Variants in RNF121 observed in about 807,000 individuals in gnomAD.
RNF121 encodes ring finger protein 121.
A neutral mutation model predicts 46.5 loss-of-function variants in RNF121; 21 were observed. The observed-to-expected ratio is 0.45, with a 90% confidence interval of 0.32 to 0.65. The LOEUF is 0.65. RNF121 is among the 30% of genes least tolerant of loss of function. RNF121 has a pLI of 0.04. For synonymous variants in RNF121, 139 were observed against 144.7 expected (o/e 0.96, Z 0.28); for missense variants, 346 against 416.0 (o/e 0.83, Z 1.46).
chr11:71,993,819 T>G (rs982047790), intron 6 of RNF121, among the ~76,000 whole-genome samples: 1 of 151,990 alleles, frequency 6.6e-6, no homozygotes, highest in African/African-American at 2.4e-5. Flanking sequence ...TCTGTATTCA[T>G]GAAGCTTCTT....
chr11:71,978,198 GCC>G (rs1424791232), intron 3 of RNF121: 2 of 451,472 alleles, frequency 4.4e-6, no homozygotes, highest in Admixed American at 4.8e-5. Flanking sequence ...ACCATGCCCG[GCC>G]TACAGTAGAA....
At chr11:71,942,203 G>C (rs1258522193) in intron 1 of RNF121, among the ~76,000 whole-genome samples, 1 of 151,958 alleles carries the variant, frequency 6.6e-6, no homozygotes. Flanking sequence ...AAAGTGCTGG[G>C]ATTACAGGCA....
At chr11:71,940,247 T>C (rs1953534343) in intron 1 of RNF121, among the ~76,000 whole-genome samples, 1 of 152,206 alleles carries the variant, frequency 6.6e-6, no homozygotes, top group Admixed American at 6.5e-5. Context: ...ATTCAGGGAA[T>C]TTACAGTCTA....
intron 7 of RNF121, 32 bp downstream of exon 7, chr11:71,994,884 C>G (rs773284647): frequency 5.6e-6 from 9 of 1,613,766 alleles, no homozygotes; most frequent in Non-Finnish European, 7.6e-6. Flanking sequence ...GGCCACATCT[C>G]TCCTGCAATC....
At chr11:71,941,168 G>A (rs1229705567) in intron 1 of RNF121, among the ~76,000 whole-genome samples, 1 of 152,204 alleles carries the variant, frequency 6.6e-6, no homozygotes, top group Non-Finnish European at 1.5e-5. Flanking sequence ...ACTTTTGGAA[G>A]GATCAGGTTG....
At chr11:71,990,745 G>T in intron 6 of RNF121, 28 bp downstream of exon 6, 2 of 1,611,064 alleles carry the variant, frequency 1.2e-6, no homozygotes, top group Non-Finnish European at 1.7e-6. Flanking sequence ...CTTAAATACT[G>T]CTTCTTGACA....
At chr11:71,994,123 A>AG (rs1954924387) in intron 6 of RNF121, among the ~76,000 whole-genome samples, 1 of 152,176 alleles carries the variant, frequency 6.6e-6, no homozygotes, top group Non-Finnish European at 1.5e-5. Flanking sequence ...TACAGGCGTC[A>AG]GCCACCGCGC....
intron 6 of RNF121, among the ~76,000 whole-genome samples, chr11:71,992,834 A>AT (rs59848440): frequency 2.0e-5 from 3 of 151,878 alleles, no homozygotes; most frequent in Admixed American, 6.6e-5. Flanking sequence ...AAATATTTCT[A>AT]TTTTTTTTTT....
rs900879492 is a variant in RNF121, at chr11:71,929,131, G to A, written c.63+7G>A. ...GGAACGGGAGCTGGATGAGGTAAGC[G>A]GAGTTGAGAGACGAGGAGAGACTCA... On this transcript the variant is annotated splice_region_variant and intron_variant, in intron 1 of 8. Transcript: ENST00000361756. 1 of 1,551,070 alleles carries A rather than the reference G, an allele frequency of 6.4e-7. No individual in the cohort carries two copies. The highest frequency in any genetic ancestry group is 8.7e-7 in the Non-Finnish European group (1 of 1,146,738).
chr11:71,964,303 G>T (rs1228116005), intron 3 of RNF121, among the ~76,000 whole-genome samples: 1 of 151,864 alleles, frequency 6.6e-6, no homozygotes, highest in Admixed American at 6.6e-5. Flanking sequence ...TTTCCTTTTT[G>T]AATTATTCAT....
intron 1 of RNF121, among the ~76,000 whole-genome samples, chr11:71,942,909 C>G (rs930050812): frequency 2.6e-5 from 4 of 152,176 alleles, no homozygotes; most frequent in Admixed American, 2.6e-4. Flanking sequence ...GGCAAAGGCT[C>G]TGTGCTTCAA....
intron 3 of RNF121, among the ~76,000 whole-genome samples, chr11:71,968,337 G>A (rs1262524434): frequency 6.6e-6 from 1 of 152,176 alleles, no homozygotes; most frequent in Non-Finnish European, 1.5e-5. Context: ...TGGGATGACA[G>A]GTGTGAGCCA....
At position 71,990,646 on chromosome 11, in the gene RNF121, G is replaced by A; in HGVS notation, c.556G>A (p.Gly186Ser). Residue 186 changes from glycine to serine, a missense_variant, in exon 6 of 9, where the codon GGC becomes AGC. By Grantham distance (56) the Gly-to-Ser change is moderately conservative. This residue lies in a region of RNF121 where 286 missense variants were observed against 383.8 expected (regional missense o/e 0.75). Coordinates refer to ENST00000361756, the MANE Select transcript of RNF121 (RefSeq NM_018320.5). ...MDFGISLLFY[G>S]LYYGVLERDF... ...CTTTGGCATCTCCCTTCTCTTCTAT[G>A]GCCTCTACTATGGAGTTCTGGAACG... The A allele has an allele frequency of 6.2e-7, 1 of 1,614,114 alleles. No individual in the cohort carries two copies.
At chr11:71,973,695 G>T (rs1954467270) in intron 3 of RNF121, among the ~76,000 whole-genome samples, 2 of 151,878 alleles carry the variant, frequency 1.3e-5, no homozygotes. Context: ...GCTGAGGCAG[G>T]AGTATTGCCT....
chr11:71,964,620 C>T lies in RNF121; in HGVS notation c.243+3729C>T, dbSNP rs552455944. ...AGACTTCCAAGTAGCTGGGACTACA[C>T]GCGCACACCACAGCACCAGGCTAAT... On this transcript the variant is annotated intron_variant, in intron 3 of 8. Transcript: ENST00000361756. Among the ~76,000 whole-genome samples, 14 of 152,074 alleles carry T rather than the reference C, an allele frequency of 9.2e-5. No homozygotes were observed. In the East Asian group the frequency reaches 1.4e-3, roughly 15 times the overall value.
chr11:71,963,174 TGATA>T (rs1474375815), intron 3 of RNF121, among the ~76,000 whole-genome samples: 10 of 152,250 alleles, frequency 6.6e-5, no homozygotes, highest in African/African-American at 2.4e-4. Context: ...GACACTTTAT[TGATA>T]GTGTCCTTTG....
chr11:71,957,199 G>A (rs1466851968), intron 1 of RNF121, 28 bp from the exon 2 acceptor site: 19 of 1,516,484 alleles, frequency 1.3e-5, no homozygotes, highest in East Asian at 4.5e-5. Flanking sequence ...AGACAGTAAC[G>A]GATTTTTCTG....
chr11:71,964,617 ACACGCGCACAC>A (rs1027362646), intron 3 of RNF121, among the ~76,000 whole-genome samples: 3 of 152,054 alleles, frequency 2.0e-5, no homozygotes, highest in African/African-American at 4.8e-5. Context: ...AGCTGGGACT[ACACGCGCACAC>A]CACAGCACCA....
intron 3 of RNF121, among the ~76,000 whole-genome samples, chr11:71,964,687 TAGGC>T (rs1357524676): frequency 6.6e-6 from 1 of 152,106 alleles, no homozygotes; most frequent in East Asian, 1.9e-4. Context: ...CCAGGTTGCC[TAGGC>T]TGGTCTCGCC....
Sources: gnomAD v4.1 joint callset for allele counts (sites outside exome capture counted in the v4.1 genomes callset) on GRCh38, gnomAD v4.1.1 for gene constraint, gnomAD v4.1.1 regional missense constraint, MANE v1.5 for transcripts, NCBI Gene and HGNC (gene_info 2026-07-23, HGNC 2026-07-21) for gene names.